Variants in SPAG1 observed in about 807,000 individuals in gnomAD.
SPAG1 encodes sperm associated antigen 1, also known as sperm-associated antigen 1.
In SPAG1, 69 loss-of-function variants were observed where a neutral mutation model predicts 100.5. The ratio of observed to expected loss-of-function variants is 0.69; its 90% CI spans 0.57 to 0.84. The LOEUF (loss-of-function observed/expected upper bound fraction) is 0.84. SPAG1 is among the 40% of genes least tolerant of loss of function. The pLI is 0.00. For synonymous variants in SPAG1, 336 were observed against 411.6 expected (o/e 0.82, Z 2.22); for missense variants, 955 against 1,133.1 (o/e 0.84, Z 2.26).
Position 100,241,214 on chromosome 8 carries a change from T to G in SPAG1, c.*192T>G. 2.3e-6 allele frequency: 1 copy of G among 425,614 alleles called. No individual in the cohort carries two copies. The highest frequency in any genetic ancestry group is 3.7e-5 in the East Asian group (1 of 26,698). The allele number at this position is 425,614 out of a possible 1,614,324, so 26.4% of individuals were successfully genotyped here. The stretch of plus-strand genomic sequence containing the variant: ...CTGCTTTTTATTAGTTGTAAATATT[T>G]TCTTATGTACCAGAACCAAATAAGT... On this transcript the variant is annotated 3_prime_UTR_variant, in exon 19 of 19. Coordinates refer to ENST00000388798, the MANE Select transcript of SPAG1 (RefSeq NM_003114.5). The surrounding 1 kb of genome is among the most constrained non-coding windows in gnomAD (Gnocchi z 5.1).
At chr8:100,162,526 G>A (rs941836266) in intron 2 of SPAG1, 106 bp downstream of exon 2, 17 of 916,872 alleles carry the variant, frequency 1.9e-5, no homozygotes, top group Non-Finnish European at 2.7e-5. Flanking sequence ...TTTTGCCCAT[G>A]CATGGTAGGT....
chr8:100,173,003 A>G (rs989379785), intron 3 of SPAG1, among the ~76,000 whole-genome samples: 11 of 109,916 alleles, frequency 1.0e-4, no homozygotes, highest in Non-Finnish European at 2.0e-4. Context: ...GTTTTTCCCC[A>G]TTGTGTGTCT....
chr8:100,237,123 C>G (rs892274227), intron 16 of SPAG1, among the ~76,000 whole-genome samples: 1 of 152,162 alleles, frequency 6.6e-6, no homozygotes, highest in Admixed American at 6.5e-5. Context: ...CTCTGTCACT[C>G]AGGCTGGGGT....
At chr8:100,170,643 A>G (rs1815774446) in intron 3 of SPAG1, among the ~76,000 whole-genome samples, 1 of 152,038 alleles carries the variant, frequency 6.6e-6, no homozygotes, top group African/African-American at 2.4e-5. Flanking sequence ...ACAAGTTTGT[A>G]TTTATCTAAT....
At chr8:100,222,547 AG>A (rs1296672625) in intron 13 of SPAG1, among the ~76,000 whole-genome samples, 1 of 152,126 alleles carries the variant, frequency 6.6e-6, no homozygotes, top group East Asian at 1.9e-4. Context: ...GTAGTTTTCA[AG>A]GTAGAGCTGG....
chr8:100,182,337 G>A (rs1816401552), intron 4 of SPAG1, among the ~76,000 whole-genome samples: 1 of 152,212 alleles, frequency 6.6e-6, no homozygotes, highest in South Asian at 2.1e-4. Context: ...ATGGGCCCAT[G>A]ACCCAAGCTA....
At chr8:100,162,975 T>A (rs1815383541) in intron 2 of SPAG1, among the ~76,000 whole-genome samples, 1 of 150,920 alleles carries the variant, frequency 6.6e-6, no homozygotes, top group Non-Finnish European at 1.5e-5. Context: ...AAAATAATAA[T>A]AAAAAAAATA....
chr8:100,234,883 G>A (rs977163846), intron 16 of SPAG1, among the ~76,000 whole-genome samples: 7 of 152,272 alleles, frequency 4.6e-5, no homozygotes, highest in South Asian at 4.1e-4. Context: ...AAATGGTGGT[G>A]TAATGGATCA....
chr8:100,187,753 A>G (rs1816647691), intron 8 of SPAG1, among the ~76,000 whole-genome samples: 1 of 152,150 alleles, frequency 6.6e-6, no homozygotes, highest in South Asian at 2.1e-4. Flanking sequence ...TGGTATTTAT[A>G]AATATAATAA....
intron 4 of SPAG1, among the ~76,000 whole-genome samples, chr8:100,179,190 C>T (rs771811933): frequency 3.3e-4 from 50 of 151,950 alleles, no homozygotes; most frequent in Non-Finnish European, 5.7e-4. Context: ...CAAGACCAGC[C>T]GGGCCAACAT....
At position 100,190,670 on chromosome 8, in the gene SPAG1, T is replaced by TC. The variant is rs553340535; in HGVS notation, c.833-720_833-719insC. The stretch of plus-strand genomic sequence containing the variant: ...GTAATATACTTTTTTTTTCTTTTTT[T>TC]TTTTTTTTTTTGGAGACAGAGTCTT... On this transcript the variant is annotated intron_variant, in intron 8 of 18. Coordinates refer to ENST00000388798, the MANE Select transcript of SPAG1 (RefSeq NM_003114.5). 1.1e-3 allele frequency among the ~76,000 whole-genome samples: 156 copies of TC among 145,358 alleles called. 3 individuals are homozygous for TC. In the East Asian group the frequency reaches 0.028, roughly 26 times the overall value.
At position 100,234,875 on chromosome 8, in the gene SPAG1, A is replaced by G. The variant is rs182419411; in HGVS notation, c.2115+1338A>G. On this transcript the variant is annotated intron_variant, in intron 16 of 18. Transcript: ENST00000388798. ...TGATGGAGCCTCCAGAGCAGGGTAA[A>G]TGGTGGTGTAATGGATCAGATTTGG... Among the ~76,000 whole-genome samples the G allele has an allele frequency of 5.3e-5, 8 of 152,244 alleles. No homozygotes were observed. In the East Asian group the frequency reaches 1.5e-3, roughly 29 times the overall value.
chr8:100,178,215 C>T (rs1345162135), intron 4 of SPAG1, among the ~76,000 whole-genome samples: 4 of 151,372 alleles, frequency 2.6e-5, no homozygotes, highest in Non-Finnish European at 5.9e-5. Context: ...TTTTATACAC[C>T]CTGTCTCTTC....
At position 100,213,399 on chromosome 8, in the gene SPAG1, C is replaced by G. The variant is rs756472753; in HGVS notation, c.1406C>G (p.Ser469Trp). The change falls in exon 11 of 19, where the codon TCG (serine) becomes TGG (tryptophan). Residue 469 changes from serine to tryptophan, a missense_variant. Transcript: ENST00000388798. ...GQFAEAAGKY[S>W]AAIALLEPAG... ...TTCGCCGAGGCGGCCGGCAAGTACT[C>G]GGCGGCAATCGCGCTCCTGGAGCCA... 44 of 1,441,362 alleles carry G rather than the reference C, an allele frequency of 3.1e-5. No homozygotes were observed. In the African/African-American group the frequency reaches 6.1e-4, roughly 20 times the overall value. The allele number at this position is 1,441,362 out of a possible 1,614,324, so 89.3% of individuals were successfully genotyped here.
At chr8:100,189,094 G>T (rs556086759) in intron 8 of SPAG1, among the ~76,000 whole-genome samples, 132 of 152,100 alleles carry the variant, frequency 8.7e-4, no homozygotes, top group Non-Finnish European at 1.5e-3. Flanking sequence ...CACTTTGGGA[G>T]GCCGAGGTGG....
chr8:100,187,352 A>T (rs957153166), intron 8 of SPAG1, 102 bp downstream of exon 8: 1 of 1,009,182 alleles, frequency 9.9e-7, no homozygotes, highest in African/African-American at 1.7e-5. Flanking sequence ...TTTCAGATAA[A>T]CTCAAATTTC....
chr8:100,229,399 G>A (rs763932482), intron 14 of SPAG1, among the ~76,000 whole-genome samples: 2 of 152,148 alleles, frequency 1.3e-5, no homozygotes, highest in African/African-American at 2.4e-5. Flanking sequence ...ACTCCAGCCC[G>A]GGCGACAGAG....
chr8:100,234,566 A>G (rs1818918418), intron 16 of SPAG1, among the ~76,000 whole-genome samples: 1 of 152,136 alleles, frequency 6.6e-6, no homozygotes, highest in South Asian at 2.1e-4. Context: ...ATTTGTTTAT[A>G]TTGTGTGGGT....
chr8:100,196,146 G>A (rs1366148742), intron 10 of SPAG1, among the ~76,000 whole-genome samples: 1 of 152,124 alleles, frequency 6.6e-6, no homozygotes, highest in Admixed American at 6.6e-5. Context: ...GTTATTTCCA[G>A]TATTCACTAA....
Sources: allele counts gnomAD v4.1 joint callset (sites outside exome capture counted in the v4.1 genomes callset), GRCh38; gene constraint gnomAD v4.1.1; non-coding constraint Gnocchi (gnomAD v3.1); transcripts MANE v1.5; gene names NCBI Gene and HGNC (gene_info 2026-07-23, HGNC 2026-07-21).